The following LRRN4 variants were observed in gnomAD, a reference collection of about 807,000 sequenced individuals.
LRRN4 encodes leucine rich repeat neuronal 4.
LRRN4 carries 26 observed loss-of-function variants against 22.3 expected under a neutral mutation model. That is an observed-to-expected ratio of 1.16 (90% CI 0.85 to 1.62). LRRN4 has a LOEUF of 1.62. Among genes scored for constraint, LRRN4 ranks in the 40% most tolerant of loss-of-function variants. The pLI is 0.00. For missense variants in LRRN4, 1,070 were observed against 1,008.5 expected, an observed-to-expected ratio of 1.06 and a Z score of -0.83; for synonymous variants, 496 against 486.2, an observed-to-expected ratio of 1.02 and a Z score of -0.26.
In LRRN4 at chr20:6,041,613, G is replaced by A. The variant is rs138372307; in HGVS notation, c.1632C>T (p.Asp544=). Reference sequence around the variant, plus strand: ...TGCAGGGATGGTAATCACAGGGGACGTCCTGGTGAGGCGTTCCCACCTCCT... The same window carrying A: ...TGCAGGGATGGTAATCACAGGGGACATCCTGGTGAGGCGTTCCCACCTCCT... The part of the protein sequence containing the change: ...RKEEVGTPHQ[D]VPCDYHPCKH... The change falls in exon 5 of 5, where the codon GAC becomes GAT. Residue 544 remains aspartate (D), a synonymous_variant. Transcript: ENST00000378858. The surrounding 1 kb of genome is among the most constrained non-coding windows in gnomAD (Gnocchi z 9.4). 6.3e-7 allele frequency: 1 copy of A among 1,582,884 alleles called. No individual in the cohort carries two copies. Among genetic ancestry groups the A allele is most frequent in the South Asian group, 1.2e-5 (1 of 85,120 alleles).
Position 6,041,306 on chromosome 20 carries a change from AGGT to A in LRRN4, c.1936_1938del (p.Thr646del), listed in dbSNP as rs750210428. 10 of 1,596,670 alleles carry A rather than the reference AGGT, an allele frequency of 6.3e-6. No homozygotes were observed. The highest frequency in any genetic ancestry group is 8.5e-6 in the Non-Finnish European group (10 of 1,175,510). On this transcript the variant is annotated inframe_deletion, in exon 5 of 5. Coordinates refer to ENST00000378858, the MANE Select transcript of LRRN4 (RefSeq NM_152611.5). The surrounding 1 kb of genome is among the most constrained non-coding windows in gnomAD (Gnocchi z 9.4). ...TTGGCCGCCAGCACGCACACGCGGT[AGGT>A]GGTGCCCGGCGACAGCCCGTACAGA...
intron 4 of LRRN4, 104 bp from the exon 5 acceptor site, chr20:6,042,350 A>T (rs904985819): frequency 1.7e-4 from 231 of 1,357,874 alleles, no homozygotes; most frequent in Non-Finnish European, 2.2e-4. Context: ...AAGCCCATCA[A>T]CGCGTCTCTG....
chr20:6,053,347 T>C (rs1358454673), intron 1 of LRRN4, among the ~76,000 whole-genome samples: 1 of 152,170 alleles, frequency 6.6e-6, no homozygotes, highest in African/African-American at 2.4e-5. Flanking sequence ...AAAATAAGTC[T>C]TGGAGTCAGT....
At position 6,051,833 on chromosome 20, in the gene LRRN4, G is replaced by A. The variant is rs146301706; in HGVS notation, c.655+312C>T. ...AGAGTGGTTAAAGTTTTGGGCTCTGGACCCAGAATGCCTGGGTTCAGATTT... is the reference window on the plus strand; with the variant it reads ...AGAGTGGTTAAAGTTTTGGGCTCTGAACCCAGAATGCCTGGGTTCAGATTT... On this transcript the variant is annotated intron_variant, in intron 2 of 4. Transcript: ENST00000378858. Among the ~76,000 whole-genome samples the A allele has an allele frequency of 3.5e-3, 534 of 152,308 alleles. 6 individuals carry two copies. Among genetic ancestry groups the A allele is most frequent in the Non-Finnish European group, 5.6e-3 (380 of 68,034 alleles).
chr20:6,044,746 G>A, intron 3 of LRRN4, 66 bp from the exon 4 acceptor site: 1 of 1,379,814 alleles, frequency 7.2e-7, no homozygotes. Flanking sequence ...TATTCCCAGA[G>A]AGGCATGGTG....
chr20:6,048,101 A>G (rs907325161), intron 3 of LRRN4, among the ~76,000 whole-genome samples: 4 of 151,986 alleles, frequency 2.6e-5, no homozygotes, highest in Admixed American at 6.6e-5. Context: ...GATGTCCCAC[A>G]TTTTGCCAAA....
rs58451358 is a variant in LRRN4, at chr20:6,047,630, C to CAA, written c.861-2952_861-2951dup. Among the ~76,000 whole-genome samples the CAA allele has an allele frequency of 1.7e-3, 236 of 141,324 alleles. 2 individuals carry two copies. The South Asian group carries it at 0.017, about 10-fold the overall frequency. 92.7% of individuals were successfully genotyped at this position (141,324 alleles called of 152,430 possible). A position where few individuals can be genotyped will look rare whatever the true frequency, so the allele number is the denominator to read the frequency against. ...TGAAACCCCGTCTTAACTAAAAATA[C>CAA]AAAAAAAAAAAATAGCTGGGTGTGG... On this transcript the variant is annotated intron_variant, in intron 3 of 4. Coordinates refer to ENST00000378858, the MANE Select transcript of LRRN4 (RefSeq NM_152611.5).
chr20:6,053,024 C>T (rs868655287), intron 1 of LRRN4, among the ~76,000 whole-genome samples: 1 of 152,124 alleles, frequency 6.6e-6, no homozygotes, highest in African/African-American at 2.4e-5. Flanking sequence ...GGTGATACCC[C>T]CTGCTCTTCC....
At position 6,052,533 on chromosome 20, in the gene LRRN4, G is replaced by C. The variant is rs751590139; in HGVS notation, c.267C>G (p.Ala89=). ...GGTGGCCGAGCTCGGAAGTGCTCAG[G>C]GCGCGCAGCAGGTTGTGGCTGGCGT... ...SLDASHNLLR[A]LSTSELGHLE... Residue 89 remains alanine, a synonymous_variant, in exon 2 of 5, where the codon GCC becomes GCG. Transcript: ENST00000378858. 7 of 1,588,166 alleles carry C rather than the reference G, an allele frequency of 4.4e-6. No homozygotes were observed. The highest frequency in any genetic ancestry group is 1.3e-5 in the African/African-American group (1 of 74,812).
At chr20:6,050,047 G>T (rs1981207809) in intron 3 of LRRN4, among the ~76,000 whole-genome samples, 2 of 151,994 alleles carry the variant, frequency 1.3e-5, no homozygotes, top group Admixed American at 1.3e-4. Context: ...TTTTTCTCAT[G>T]AAAAGCCCCA....
chr20:6,041,232 G>T lies in LRRN4; in HGVS notation c.2013C>A (p.Cys671Ter), dbSNP rs1464669503. Residue 671 changes from cysteine to a stop codon, truncating the protein, a stop_gained, in exon 5 of 5, where the codon TGC (cysteine) becomes TGA (stop). Coordinates refer to ENST00000378858, the MANE Select transcript of LRRN4 (RefSeq NM_152611.5). LOFTEE classifies it low-confidence loss of function (END_TRUNC). This position sits in a 1 kb window ranked among gnomAD's most constrained non-coding sequence, Gnocchi z 9.4. ...AGCTGGGCTTGGTGGTGAAGGCGGC[G>T]CACGGGCTCCTCCAGCCCGAAGACC... ...QPRSSGWRSP[C>*]AAFTTKPSFA... The T allele has an allele frequency of 1.9e-6, 3 of 1,581,394 alleles. No individual in the cohort carries two copies. In the Admixed American group the frequency reaches 5.2e-5, roughly 27 times the overall value.
chr20:6,048,235 A>C (rs530228874), intron 3 of LRRN4, among the ~76,000 whole-genome samples: 33 of 151,606 alleles, frequency 2.2e-4, no homozygotes, highest in African/African-American at 8.0e-4. Context: ...TTTTTCTGCT[A>C]CTCCACTGGT....
intron 4 of LRRN4, among the ~76,000 whole-genome samples, chr20:6,043,916 TAAAC>T (rs534400657): frequency 1.1e-4 from 17 of 151,878 alleles, no homozygotes; most frequent in Non-Finnish European, 1.8e-4. Flanking sequence ...TCCAAACAAA[TAAAC>T]AAAAAGAATC....
intron 1 of LRRN4, among the ~76,000 whole-genome samples, 163 bp from the exon 2 acceptor site, chr20:6,052,967 GA>G (rs1349360474): frequency 6.6e-6 from 1 of 151,974 alleles, no homozygotes; most frequent in Non-Finnish European, 1.5e-5. Flanking sequence ...AGTGTGCAGT[GA>G]CCTCTCCCCT....
At chr20:6,051,061 G>C (rs1169767201) in intron 2 of LRRN4, 78 bp from the exon 3 acceptor site, 1 of 1,273,684 alleles carries the variant, frequency 7.9e-7, no homozygotes, top group Admixed American at 1.9e-5. Flanking sequence ...AAGGAAGAAC[G>C]AGAGTGGCAA....
chr20:6,051,566 CAAAG>C (rs1163792275), intron 2 of LRRN4, among the ~76,000 whole-genome samples: 2 of 152,148 alleles, frequency 1.3e-5, no homozygotes, highest in Admixed American at 6.5e-5. Flanking sequence ...CCTTGTGAAT[CAAAG>C]AACACCAAGA....
At chr20:6,051,632 T>C (rs1007955778) in intron 2 of LRRN4, among the ~76,000 whole-genome samples, 2 of 152,174 alleles carry the variant, frequency 1.3e-5, no homozygotes, top group African/African-American at 4.8e-5. Flanking sequence ...TGATTAAACA[T>C]TCACAGAAAC....
At chr20:6,044,939 A>G (rs6085358) in intron 3 of LRRN4, among the ~76,000 whole-genome samples, 15,005 of 152,182 alleles carry the variant, frequency 0.099, 887 homozygotes, top group Middle Eastern at 0.21. Context: ...TATCAACTGG[A>G]GACATAGCTA....
In LRRN4 at chr20:6,052,514, C is replaced by T. The variant is rs371094906; in HGVS notation, c.286G>A (p.Gly96Ser). Residue 96 changes from glycine to serine, a missense_variant, in exon 2 of 5, where the codon GGC becomes AGC. Gly to Ser is a moderately conservative substitution (Grantham distance 56). Transcript: ENST00000378858. The part of the protein sequence containing the change: ...LLRALSTSEL[G>S]HLEQLQVLTL... Reference sequence around the variant, plus strand: ...AGCACCTGCAGCTGCTCCAGGTGGCCGAGCTCGGAAGTGCTCAGGGCGCGC... The same window carrying T: ...AGCACCTGCAGCTGCTCCAGGTGGCTGAGCTCGGAAGTGCTCAGGGCGCGC... 1.3e-6 allele frequency: 2 copies of T among 1,584,370 alleles called. No homozygotes were observed. The highest frequency in any genetic ancestry group is 1.7e-6 in the Non-Finnish European group (2 of 1,173,682).
Sources: allele counts gnomAD v4.1 joint callset (sites outside exome capture counted in the v4.1 genomes callset), GRCh38; gene constraint gnomAD v4.1.1; non-coding constraint Gnocchi (gnomAD v3.1); transcripts MANE v1.5; gene names NCBI Gene and HGNC (gene_info 2026-07-23, HGNC 2026-07-21).